Variants in RASGRP1 observed in about 807,000 individuals in gnomAD.
The protein encoded by RASGRP1 is RAS guanyl releasing protein 1.
Under a neutral mutation model 95.1 loss-of-function variants are expected in RASGRP1, and 37 were observed. The observed-to-expected ratio is 0.39, with a 90% CI of 0.30 to 0.51. The LOEUF is 0.51. Among genes scored for constraint, RASGRP1 ranks in the 20% least tolerant of loss-of-function variants. RASGRP1 has a pLI of 0.80. For synonymous variants in RASGRP1, 325 were observed against 353.4 expected (o/e 0.92, Z 0.90); for missense variants, 711 against 965.4 (o/e 0.74, Z 3.49).
intron 1 of RASGRP1, chr15:38,560,246 T>A (rs1210830894): frequency 1.9e-6 from 1 of 536,334 alleles, no homozygotes; most frequent in Non-Finnish European, 3.4e-6. Flanking sequence ...TTAGGATTGC[T>A]CTGTCCTACT....
chr15:38,519,218 A>G (rs1461879432), intron 4 of RASGRP1, 91 bp downstream of exon 4: 2 of 1,051,150 alleles, frequency 1.9e-6, no homozygotes, highest in Non-Finnish European at 2.9e-6. Flanking sequence ...AAGGTGTTCT[A>G]TAGAGGTCAG....
intron 6 of RASGRP1, 67 bp downstream of exon 6, chr15:38,516,130 T>C (rs1891774029): frequency 3.3e-6 from 5 of 1,504,330 alleles, no homozygotes; most frequent in Non-Finnish European, 4.6e-6. Context: ...GGATGGGCTG[T>C]TGAATTATCA....
intron 16 of RASGRP1, 23 bp downstream of exon 16, chr15:38,494,359 A>G (rs553955446): frequency 1.2e-6 from 2 of 1,612,622 alleles, no homozygotes; most frequent in African/African-American, 1.3e-5. Flanking sequence ...GTCTGAAAAA[A>G]AGGAAAATGA....
intron 2 of RASGRP1, among the ~76,000 whole-genome samples, chr15:38,554,657 A>G (rs1475872416): frequency 6.6e-6 from 1 of 152,188 alleles, no homozygotes; most frequent in Non-Finnish European, 1.5e-5. Context: ...CTGCTCATCA[A>G]AGATGCAGCA....
intron 12 of RASGRP1, 106 bp from the exon 13 acceptor site, chr15:38,501,393 T>A (rs1891013700): frequency 7.0e-6 from 9 of 1,294,670 alleles, no homozygotes; most frequent in Non-Finnish European, 1.0e-5. Context: ...TTATCCTCAG[T>A]GGTAATATGG....
At chr15:38,496,109 G>A (rs1890782898) in intron 15 of RASGRP1, among the ~76,000 whole-genome samples, 1 of 152,166 alleles carries the variant, frequency 6.6e-6, no homozygotes, top group Non-Finnish European at 1.5e-5. Flanking sequence ...TGATGAGATT[G>A]AGAAAGATAG....
chr15:38,498,569 A>G (rs768789013), intron 15 of RASGRP1, among the ~76,000 whole-genome samples: 9 of 150,510 alleles, frequency 6.0e-5, no homozygotes, highest in Non-Finnish European at 1.2e-4. Context: ...CTCAATAAGT[A>G]CCTGCTGATT....
chr15:38,564,622 T>C lies in RASGRP1; in HGVS notation c.7A>G (p.Thr3Ala). 1 of 1,354,830 alleles carries C rather than the reference T, an allele frequency of 7.4e-7. No homozygotes were observed. 83.9% of individuals were successfully genotyped at this position (1,354,830 alleles called of 1,614,324 possible). MGTLGKAREAPRK... is the reference protein window; with the variant it reads MGALGKAREAPRK... ...GGAGCCTCTCTCGCCTTGCCCAGGG[T>C]GCCCATGGCCGCGGCCCGCGCTCCC... Residue 3 changes from threonine (T) to alanine (A), a missense_variant, in exon 1 of 17, where the codon ACC (threonine) becomes GCC (alanine). Physicochemically the swap from Thr to Ala is moderately conservative, Grantham distance 58. Coordinates refer to ENST00000310803, the MANE Select transcript of RASGRP1 (RefSeq NM_005739.4).
intron 2 of RASGRP1, among the ~76,000 whole-genome samples, chr15:38,555,392 G>A (rs1392986132): frequency 3.9e-5 from 6 of 152,186 alleles, no homozygotes; most frequent in Non-Finnish European, 8.8e-5. Context: ...TACATTGAAT[G>A]GAGTTTCATT....
rs554891953 is a variant in RASGRP1, at chr15:38,490,770, T to A, written c.2260-82A>T. 5.0e-6 allele frequency: 7 copies of A among 1,397,706 alleles called. No homozygotes were observed. In the Admixed American group the frequency reaches 1.2e-4, roughly 24 times the overall value. The allele number at this position is 1,397,706 out of a possible 1,614,324, so 86.6% of individuals were successfully genotyped here. ...TTACAAATTGAGAGCTACTTTTGATTGGCATTTCCTATTCACTGTGGCTGA... is the reference window on the plus strand; with the variant it reads ...TTACAAATTGAGAGCTACTTTTGATAGGCATTTCCTATTCACTGTGGCTGA... On this transcript the variant is annotated intron_variant, in intron 16 of 16. Coordinates refer to ENST00000310803, the MANE Select transcript of RASGRP1 (RefSeq NM_005739.4).
intron 16 of RASGRP1, among the ~76,000 whole-genome samples, chr15:38,493,513 C>T (rs1021964485): frequency 7.2e-5 from 11 of 152,116 alleles, no homozygotes; most frequent in African/African-American, 2.7e-4. Context: ...TTCTCTCAAA[C>T]CTTGGCACCA....
In RASGRP1 at chr15:38,559,867, T is replaced by C. The variant is rs1321096783; in HGVS notation, c.174A>G (p.Lys58=). ...RMMVSLGHLA[K]GASLDDLIDS... ...CAATGAGATCGTCCAGGCTGGCTCC[T>C]TTGGCTAAATGTCCCAGAGACACCA... The change falls in exon 2 of 17, where the codon AAA becomes AAG. Residue 58 remains lysine (K), a synonymous_variant. Coordinates refer to ENST00000310803, the MANE Select transcript of RASGRP1 (RefSeq NM_005739.4). The C allele has an allele frequency of 1.9e-6, 3 of 1,613,892 alleles. No homozygotes were observed. The highest frequency in any genetic ancestry group is 2.5e-6 in the Non-Finnish European group (3 of 1,179,884).
intron 10 of RASGRP1, 56 bp downstream of exon 10, chr15:38,505,784 G>A (rs556137897): frequency 1.6e-5 from 22 of 1,366,442 alleles, no homozygotes; most frequent in Middle Eastern, 1.8e-4. Flanking sequence ...GAATGAACTC[G>A]AGGAGAAGCT....
intron 1 of RASGRP1, among the ~76,000 whole-genome samples, chr15:38,563,346 G>T (rs2141204844): frequency 6.6e-6 from 1 of 152,254 alleles, no homozygotes; most frequent in East Asian, 1.9e-4. Flanking sequence ...AACCCCGAGA[G>T]AAACAAATTA....
chr15:38,490,964 A>G (rs1239654412), intron 16 of RASGRP1, among the ~76,000 whole-genome samples: 1 of 152,186 alleles, frequency 6.6e-6, no homozygotes, highest in East Asian at 1.9e-4. Flanking sequence ...GATAATGACA[A>G]AACTTTTGGA....
intron 2 of RASGRP1, among the ~76,000 whole-genome samples, chr15:38,552,926 A>G (rs1481829023): frequency 6.6e-6 from 1 of 151,950 alleles, no homozygotes; most frequent in African/African-American, 2.4e-5. Context: ...TCTTCAATAT[A>G]TGGCAAATTA....
intron 2 of RASGRP1, among the ~76,000 whole-genome samples, chr15:38,550,377 T>G (rs1893292504): frequency 6.6e-6 from 1 of 152,120 alleles, no homozygotes; most frequent in Non-Finnish European, 1.5e-5. Flanking sequence ...AAAAAAAAGT[T>G]CACATCAAGA....
chr15:38,493,501 C>T (rs1890677299), intron 16 of RASGRP1, among the ~76,000 whole-genome samples: 1 of 152,206 alleles, frequency 6.6e-6, no homozygotes, highest in South Asian at 2.1e-4. Flanking sequence ...GTCATTATTC[C>T]CTTCTCTCAA....
chr15:38,524,662 A>T (rs576973302), intron 3 of RASGRP1, among the ~76,000 whole-genome samples: 1 of 152,278 alleles, frequency 6.6e-6, no homozygotes, highest in Admixed American at 6.5e-5. Context: ...AGTAGTAAAG[A>T]GATTGGAGAT....
Sources: gnomAD v4.1 joint callset for allele counts (sites outside exome capture counted in the v4.1 genomes callset) on GRCh38, gnomAD v4.1.1 for gene constraint, MANE v1.5 for transcripts, NCBI Gene and HGNC (gene_info 2026-07-23, HGNC 2026-07-21) for gene names.